The following MTHFS variants were observed in gnomAD, a reference collection of about 807,000 sequenced individuals.
MTHFS encodes methenyltetrahydrofolate synthetase.
MTHFS carries 7 observed loss-of-function variants against 12.7 expected under a neutral mutation model. That is an observed-to-expected ratio of 0.55 (90% confidence interval 0.31 to 1.03). MTHFS has a LOEUF of 1.03. Among genes scored for constraint, MTHFS ranks in the 50% least tolerant of loss-of-function variants. MTHFS has a pLI of 0.05. For missense variants in MTHFS, 252 were observed against 258.1 expected (o/e 0.98, Z 0.16); for synonymous variants, 100 against 97.1 (o/e 1.03, Z -0.18).
In MTHFS at chr15:79,861,074, A is replaced by G. The variant is rs562496436; in HGVS notation, c.380-15632T>C. On this transcript the variant is annotated intron_variant, in intron 2 of 2. Transcript: ENST00000258874. ...AATAGTCATCGTCGTCATCATCATCATCAAGCACTTATATGCACTGGCATT... is the reference window on the plus strand; with the variant it reads ...AATAGTCATCGTCGTCATCATCATCGTCAAGCACTTATATGCACTGGCATT... 7.2e-5 allele frequency among the ~76,000 whole-genome samples: 11 copies of G among 152,326 alleles called. No individual in the cohort carries two copies. In the East Asian group the frequency reaches 1.3e-3, roughly 19 times the overall value.
In MTHFS at chr15:79,854,369, C is replaced by T. The variant is rs11852338; in HGVS notation, c.380-8927G>A. Among the ~76,000 whole-genome samples the T allele has an allele frequency of 4.4e-3, 668 of 152,290 alleles. 7 individuals are homozygous for T. The highest frequency in any genetic ancestry group is 0.015 in the African/African-American group (638 of 41,554). ...ATGGTTATAAGAACCCGCATAGCTG[C>T]GATGAGAAGGCTGCCTGACTGGAGT... On this transcript the variant is annotated intron_variant, in intron 2 of 2. Transcript: ENST00000258874.
intron 2 of MTHFS, among the ~76,000 whole-genome samples, chr15:79,871,806 A>T (rs1049060865): frequency 2.0e-5 from 3 of 152,130 alleles, no homozygotes; most frequent in Non-Finnish European, 4.4e-5. Context: ...ATGCTATTAA[A>T]ATTAAAATTT....
chr15:79,870,015 G>A lies in MTHFS; in HGVS notation c.379+19078C>T, dbSNP rs142099490. Among the ~76,000 whole-genome samples the A allele has an allele frequency of 3.3e-4, 50 of 152,224 alleles. 1 individual carries two copies. The East Asian group carries it at 9.1e-3, about 28-fold the overall frequency. On this transcript the variant is annotated intron_variant, in intron 2 of 2. Coordinates refer to ENST00000258874, the MANE Select transcript of MTHFS (RefSeq NM_006441.4). ...AAAATAGTTCCCTGGAGTTAAAAAGGACATGAAACTTTAGGATGAAAGAGA... is the reference window on the plus strand; with the variant it reads ...AAAATAGTTCCCTGGAGTTAAAAAGAACATGAAACTTTAGGATGAAAGAGA...
rs568622112 is a variant in MTHFS at position 79,856,092 on chromosome 15, C to T, written c.380-10650G>A. Among the ~76,000 whole-genome samples the T allele has an allele frequency of 2.6e-5, 4 of 152,264 alleles. No individual in the cohort carries two copies. The South Asian group carries it at 6.2e-4, about 24-fold the overall frequency. Reference sequence around the variant, plus strand: ...TCTTTAGTTCTTTGTGGGATCATCACGTTGCTTCCCACAATGGCTGAACTA... The same window carrying T: ...TCTTTAGTTCTTTGTGGGATCATCATGTTGCTTCCCACAATGGCTGAACTA... On this transcript the variant is annotated intron_variant, in intron 2 of 2. Transcript: ENST00000258874.
chr15:79,865,860 T>C (rs2034001003), intron 2 of MTHFS, among the ~76,000 whole-genome samples: 1 of 152,250 alleles, frequency 6.6e-6, no homozygotes, highest in African/African-American at 2.4e-5. Context: ...CTCAGTTTAC[T>C]GCATCTTTCT....
chr15:79,875,476 C>T (rs1032481989), intron 2 of MTHFS, among the ~76,000 whole-genome samples: 4 of 152,076 alleles, frequency 2.6e-5, no homozygotes, highest in East Asian at 1.9e-4. Context: ...CAATGCAATA[C>T]GGAAAGAATC....
At chr15:79,850,609 A>T (rs2033697792) in intron 2 of MTHFS, among the ~76,000 whole-genome samples, 1 of 152,204 alleles carries the variant, frequency 6.6e-6, no homozygotes, top group African/African-American at 2.4e-5. Flanking sequence ...GAACATAAGG[A>T]AAGAGAGTTT....
At chr15:79,889,459 T>G in intron 1 of MTHFS, 105 bp from the exon 2 acceptor site, 1 of 740,614 alleles carries the variant, frequency 1.4e-6, no homozygotes, top group Non-Finnish European at 1.9e-6. Context: ...CTTTAAATAT[T>G]AAAAAGAAAA....
intron 2 of MTHFS, among the ~76,000 whole-genome samples, chr15:79,879,683 G>A (rs867698693): frequency 3.0e-4 from 45 of 152,274 alleles, no homozygotes; most frequent in Middle Eastern, 3.4e-3. Flanking sequence ...ATAGATGCAT[G>A]CCTTCTTGAG....
In MTHFS at chr15:79,891,938, G is replaced by A. The variant is rs145645253; in HGVS notation, c.118-2584C>T. Among the ~76,000 whole-genome samples the A allele has an allele frequency of 4.0e-3, 529 of 133,360 alleles. 4 individuals carry two copies. Among genetic ancestry groups the A allele is most frequent in the African/African-American group, 0.014 (500 of 35,600 alleles). The allele number at this position is 133,360 out of a possible 152,430, so 87.5% of individuals were successfully genotyped here. On this transcript the variant is annotated intron_variant, in intron 1 of 2. Transcript: ENST00000258874. ...AGATCATGCCATTGCACTCAAGCCT[G>A]GGCAACAAGAATGAAACTCCATCTC...
chr15:79,871,025 C>T (rs1349247553), intron 2 of MTHFS, among the ~76,000 whole-genome samples: 1 of 152,066 alleles, frequency 6.6e-6, no homozygotes, highest in Non-Finnish European at 1.5e-5. Flanking sequence ...TGACTGTAAT[C>T]CCAGCTACTG....
At chr15:79,889,025 A>G (rs1596081959) in intron 2 of MTHFS, 68 bp downstream of exon 2, 1 of 1,578,372 alleles carries the variant, frequency 6.3e-7, no homozygotes, top group East Asian at 2.3e-5. Flanking sequence ...TGACCCACAC[A>G]TAACCCGTGG....
chr15:79,871,317 A>G (rs1391176740), intron 2 of MTHFS, among the ~76,000 whole-genome samples: 3 of 152,216 alleles, frequency 2.0e-5, no homozygotes, highest in Non-Finnish European at 4.4e-5. Context: ...GGACACAAAG[A>G]AAAGGAAATG....
chr15:79,862,538 T>C (rs1241130543), intron 2 of MTHFS, among the ~76,000 whole-genome samples: 4 of 152,196 alleles, frequency 2.6e-5, no homozygotes, highest in African/African-American at 9.7e-5. Context: ...CACAGAAGAC[T>C]ATCTTGCCTA....
intron 1 of MTHFS, 131 bp downstream of exon 1, chr15:79,896,741 G>C (rs2034580692): frequency 3.4e-5 from 41 of 1,209,454 alleles, no homozygotes; most frequent in East Asian, 7.8e-5. Context: ...GAGGGGAAAC[G>C]TGCGCGCGCC....
At chr15:79,872,870 T>C (rs979257632) in intron 2 of MTHFS, among the ~76,000 whole-genome samples, 3 of 152,280 alleles carry the variant, frequency 2.0e-5, no homozygotes, top group Admixed American at 6.5e-5. Context: ...TGGTCAGCAG[T>C]GTCGTGACCA....
At chr15:79,866,686 C>A (rs1422257540) in intron 2 of MTHFS, among the ~76,000 whole-genome samples, 1 of 152,188 alleles carries the variant, frequency 6.6e-6, no homozygotes. Flanking sequence ...CACGGTGGCT[C>A]ACACCTGTAA....
intron 2 of MTHFS, among the ~76,000 whole-genome samples, chr15:79,849,147 G>A (rs1287750992): frequency 2.6e-5 from 4 of 152,100 alleles, no homozygotes; most frequent in African/African-American, 9.7e-5. Flanking sequence ...TCGTACATGC[G>A]GTGTTGTTGT....
At chr15:79,880,774 C>A (rs1318851091) in intron 2 of MTHFS, among the ~76,000 whole-genome samples, 6 of 148,036 alleles carry the variant, frequency 4.1e-5, no homozygotes, top group African/African-American at 1.5e-4. Flanking sequence ...GACTCCTAAT[C>A]CCTGCAAGTA....
Sources: gnomAD v4.1 joint callset for allele counts (sites outside exome capture counted in the v4.1 genomes callset) on GRCh38, gnomAD v4.1.1 for gene constraint, MANE v1.5 for transcripts, NCBI Gene and HGNC (gene_info 2026-07-23, HGNC 2026-07-21) for gene names.